Variants in CCT6B observed in about 807,000 individuals in gnomAD.
CCT6B encodes the protein chaperonin containing TCP1 subunit 6B.
Under a neutral mutation model 61.5 loss-of-function variants are expected in CCT6B, and 49 were observed. The observed-to-expected ratio is 0.80, with a 90% CI of 0.63 to 1.01. The LOEUF is 1.01. Among genes scored for constraint, CCT6B ranks in the 50% least tolerant of loss-of-function variants. The pLI is 0.00. For synonymous variants in CCT6B, 228 were observed against 214.5 expected (o/e 1.06, Z -0.55); for missense variants, 666 against 634.7 (o/e 1.05, Z -0.53).
At chr17:34,950,594 A>C (rs1260925023) in intron 5 of CCT6B, among the ~76,000 whole-genome samples, 1 of 152,222 alleles carries the variant, frequency 6.6e-6, no homozygotes, top group Admixed American at 6.5e-5. Context: ...ATGATTCAAA[A>C]AATAAGTAGA....
chr17:34,961,396 C>A lies in CCT6B; in HGVS notation c.-3G>T. ...TTGACGGCCTTTATCGCAGCCATAG[C>A]CTAACCGTTCAGAGGGAGAAAAAAA... On this transcript the variant is annotated 5_prime_UTR_variant, in exon 1 of 14. Transcript: ENST00000314144. The A allele has an allele frequency of 6.3e-7, 1 of 1,595,870 alleles. No homozygotes were observed. The highest frequency in any genetic ancestry group is 8.5e-7 in the Non-Finnish European group (1 of 1,174,836).
chr17:34,934,097 C>G (rs1338147309), intron 10 of CCT6B, among the ~76,000 whole-genome samples: 2 of 149,602 alleles, frequency 1.3e-5, no homozygotes, highest in East Asian at 3.9e-4. Flanking sequence ...CCACTGCACT[C>G]CAGCCTAGGT....
rs753183309 is a variant in CCT6B, at chr17:34,954,386, A to G, written c.510+40T>C. On this transcript the variant is annotated intron_variant, in intron 4 of 13. Transcript: ENST00000314144. ...AAAAAGAAAAATATCACCATGCATT[A>G]GGCTATATTTGTTCTGAATGCAAAA... 7 of 1,462,978 alleles carry G rather than the reference A, an allele frequency of 4.8e-6. No individual in the cohort carries two copies. The South Asian group carries it at 8.8e-5, about 18-fold the overall frequency. 90.6% of individuals were successfully genotyped at this position (1,462,978 alleles called of 1,614,324 possible).
At chr17:34,928,723 T>C (rs1449595129) in intron 13 of CCT6B, among the ~76,000 whole-genome samples, 2 of 152,184 alleles carry the variant, frequency 1.3e-5, no homozygotes, top group Non-Finnish European at 2.9e-5. Context: ...TCCCCTTTTC[T>C]TTCCCCCTCA....
intron 7 of CCT6B, among the ~76,000 whole-genome samples, chr17:34,942,197 C>G (rs1415817219): frequency 1.3e-5 from 2 of 148,804 alleles, no homozygotes; most frequent in Non-Finnish European, 3.0e-5. Flanking sequence ...TTTTTTTTCA[C>G]TGTAAGTTTG....
Position 34,928,975 on chromosome 17 carries a change from G to GT in CCT6B, c.1509dup (p.Leu504ThrfsTer16). The GT allele has an allele frequency of 6.3e-7, 1 of 1,595,166 alleles. No individual in the cohort carries two copies. The highest frequency in any genetic ancestry group is 8.6e-7 in the Non-Finnish European group (1 of 1,163,770). The stretch of plus-strand genomic sequence containing the variant: ...ATATGAACTTACCAAGAGTGAAGAA[G>GT]TTGTTTTTTTACACAATAATTATCC... On this transcript the variant is annotated frameshift_variant, in exon 13 of 14. Coordinates refer to ENST00000314144, the MANE Select transcript of CCT6B (RefSeq NM_006584.4). LOFTEE classifies it high-confidence loss of function.
At chr17:34,959,742 C>G (rs2090390960) in intron 1 of CCT6B, 92 bp from the exon 2 acceptor site, 1 of 818,000 alleles carries the variant, frequency 1.2e-6, no homozygotes. Flanking sequence ...GAACTGGGCT[C>G]GGAAAACTTC....
chr17:34,959,979 T>C (rs965377316), intron 1 of CCT6B, among the ~76,000 whole-genome samples: 3 of 152,212 alleles, frequency 2.0e-5, no homozygotes, highest in Admixed American at 2.0e-4. Flanking sequence ...TTGGTGAATG[T>C]TTTCATTCAT....
At chr17:34,952,770 C>T (rs952842908) in intron 4 of CCT6B, among the ~76,000 whole-genome samples, 4 of 151,952 alleles carry the variant, frequency 2.6e-5, no homozygotes, top group Admixed American at 6.6e-5. Flanking sequence ...TTATAACTAC[C>T]CTAAAATATA....
Position 34,952,013 on chromosome 17 carries a change from T to G in CCT6B, c.551A>C (p.Tyr184Ser). 1 of 1,610,178 alleles carries G rather than the reference T, an allele frequency of 6.2e-7. No individual in the cohort carries two copies. The highest frequency in any genetic ancestry group is 8.5e-7 in the Non-Finnish European group (1 of 1,177,128). ...TTCTACCATGAAGAGATCAATAGGG[T>G]AACCTGGTCTTCTAACAGCCAAAAC... ...DSVLAVRRPG[Y>S]PIDLFMVEIM... is the part of the protein sequence containing the mutation. The change falls in exon 5 of 14, where the codon TAC becomes TCC. Residue 184 changes from tyrosine to serine, a missense_variant. Coordinates refer to ENST00000314144, the MANE Select transcript of CCT6B (RefSeq NM_006584.4).
chr17:34,933,204 T>A (rs1241815896), intron 10 of CCT6B, among the ~76,000 whole-genome samples: 1 of 152,200 alleles, frequency 6.6e-6, no homozygotes, highest in Non-Finnish European at 1.5e-5. Flanking sequence ...TTCTTGGAAC[T>A]CAATGAAGTA....
At chr17:34,949,768 A>G (rs963429686) in intron 5 of CCT6B, 3 of 152,214 alleles carry the variant, frequency 2.0e-5, no homozygotes, top group Non-Finnish European at 4.4e-5. Flanking sequence ...TCTCAAAACT[A>G]AAGTAAAATA....
At chr17:34,961,108 G>C (rs2090409572) in intron 1 of CCT6B, 149 bp downstream of exon 1, 1 of 1,030,854 alleles carries the variant, frequency 9.7e-7, no homozygotes, top group African/African-American at 1.6e-5. Context: ...ACCTGCACCA[G>C]GCGAGAAATA....
intron 9 of CCT6B, 136 bp from the exon 10 acceptor site, chr17:34,939,466 T>G: frequency 2.4e-6 from 2 of 833,988 alleles, no homozygotes; most frequent in Non-Finnish European, 3.8e-6. Context: ...ATCTGAACTC[T>G]TAACAAACAT....
In CCT6B at chr17:34,961,398, T is replaced by C. The variant is rs780375873; in HGVS notation, c.-5A>G. On this transcript the variant is annotated 5_prime_UTR_variant, in exon 1 of 14. Transcript: ENST00000314144. ...GACGGCCTTTATCGCAGCCATAGCC[T>C]AACCGTTCAGAGGGAGAAAAAAAAA... The C allele has an allele frequency of 1.9e-6, 3 of 1,593,704 alleles. No homozygotes were observed. The African/African-American group carries it at 4.1e-5, about 22-fold the overall frequency.
chr17:34,946,793 C>A (rs2090228976), intron 5 of CCT6B, among the ~76,000 whole-genome samples: 1 of 152,118 alleles, frequency 6.6e-6, no homozygotes, highest in African/African-American at 2.4e-5. Flanking sequence ...TGAAAAAGGT[C>A]AGAAACAAAG....
intron 4 of CCT6B, among the ~76,000 whole-genome samples, chr17:34,952,754 G>A (rs959485374): frequency 6.6e-6 from 1 of 152,080 alleles, no homozygotes; most frequent in East Asian, 1.9e-4. Context: ...GAAATTAAGG[G>A]CTAAGTTATA....
At chr17:34,949,084 G>A (rs1224661927) in intron 5 of CCT6B, among the ~76,000 whole-genome samples, 5 of 97,446 alleles carry the variant, frequency 5.1e-5, no homozygotes, top group African/African-American at 7.9e-5. Context: ...GGGGAGGGGA[G>A]GGGAGGGGAG....
chr17:34,945,961 T>C (rs376543025), intron 5 of CCT6B, among the ~76,000 whole-genome samples: 1 of 152,348 alleles, frequency 6.6e-6, no homozygotes, highest in East Asian at 1.9e-4. Context: ...TCGGTTTCAA[T>C]GTCTTCACAA....
Sources: gnomAD v4.1 joint callset for allele counts (sites outside exome capture counted in the v4.1 genomes callset) on GRCh38, gnomAD v4.1.1 for gene constraint, MANE v1.5 for transcripts, NCBI Gene and HGNC (gene_info 2026-07-23, HGNC 2026-07-21) for gene names.